The following PARN variants were observed in gnomAD, a reference collection of about 807,000 sequenced individuals.
The protein encoded by PARN is poly(A)-specific ribonuclease PARN.
Under a neutral mutation model 102.8 loss-of-function variants are expected in PARN, and 71 were observed. The ratio of observed to expected loss-of-function variants is 0.69; its 90% CI spans 0.57 to 0.84. The LOEUF (loss-of-function observed/expected upper bound fraction) is 0.84. Ranked by LOEUF, PARN falls within the 40% of genes least tolerant of loss-of-function variation. The pLI is 0.00. For synonymous variants in PARN, 261 were observed against 252.9 expected, an observed-to-expected ratio of 1.03 and a Z score of -0.30; for missense variants, 782 against 760.9, an observed-to-expected ratio of 1.03 and a Z score of -0.33.
At chr16:14,531,897 T>TG in intron 21 of PARN, among the ~76,000 whole-genome samples, 1 of 102,586 alleles carries the variant, frequency 9.7e-6, no homozygotes, top group African/African-American at 3.0e-5. Context: ...ATCCCATTTC[T>TG]TTAAAAAAAA....
rs1376144886 is a variant in PARN, at chr16:14,630,108, G to C, written c.18C>G (p.Ser6Arg). ...GGGAGGTGTACGGCGGACACGCACT[G>C]CTCCTGATTATCTCCATTCTGCAGA... Reference protein sequence around the residue: MEIIRSNFKSNLHKVY... With the variant: MEIIRRNFKSNLHKVY... Residue 6 changes from serine (S) to arginine (R), a missense_variant and splice_region_variant, in exon 1 of 24, where the codon AGC becomes AGG. By Grantham distance (110) the Ser-to-Arg change is moderately radical (BLOSUM62 -1). Coordinates refer to ENST00000437198, the MANE Select transcript of PARN (RefSeq NM_002582.4). The C allele has an allele frequency of 5.8e-6, 9 of 1,561,364 alleles. No individual in the cohort carries two copies. Among genetic ancestry groups the C allele is most frequent in the Non-Finnish European group, 7.8e-6 (9 of 1,151,818 alleles).
At chr16:14,441,738 C>T (rs1960950925) in intron 23 of PARN, among the ~76,000 whole-genome samples, 1 of 152,218 alleles carries the variant, frequency 6.6e-6, no homozygotes, top group Non-Finnish European at 1.5e-5. Flanking sequence ...CACACTTGAA[C>T]ATAGTAATTA....
chr16:14,520,053 T>A (rs1965658060), intron 21 of PARN, among the ~76,000 whole-genome samples: 1 of 152,138 alleles, frequency 6.6e-6, no homozygotes, highest in Non-Finnish European at 1.5e-5. Flanking sequence ...CTTATTCTGA[T>A]CAAGCTTCTA....
chr16:14,513,252 A>T (rs528829486), intron 21 of PARN, among the ~76,000 whole-genome samples: 6 of 152,306 alleles, frequency 3.9e-5, no homozygotes, highest in South Asian at 2.1e-4. Context: ...TTCAGCAAAT[A>T]AAGTATAATT....
chr16:14,621,102 TACA>T (rs1567462568), intron 5 of PARN, among the ~76,000 whole-genome samples: 6 of 152,128 alleles, frequency 3.9e-5, no homozygotes, highest in Non-Finnish European at 1.5e-5. Flanking sequence ...TTTTATACTT[TACA>T]ACAAGCAATC....
intron 18 of PARN, among the ~76,000 whole-genome samples, chr16:14,568,706 C>T (rs1280393461): frequency 6.6e-6 from 1 of 151,462 alleles, no homozygotes; most frequent in East Asian, 2.0e-4. Flanking sequence ...CTATCCTGTC[C>T]AACATGGTGA....
intron 20 of PARN, 129 bp downstream of exon 20, chr16:14,553,934 CAA>C (rs928184325): frequency 1.7e-4 from 108 of 644,910 alleles, no homozygotes; most frequent in Non-Finnish European, 2.8e-4. Context: ...CCAGAAAATT[CAA>C]AGAGTGAAAT....
intron 18 of PARN, among the ~76,000 whole-genome samples, chr16:14,559,579 T>C (rs1329552484): frequency 6.6e-6 from 1 of 151,384 alleles, no homozygotes; most frequent in Non-Finnish European, 1.5e-5. Context: ...GACACTCTAT[T>C]TAAAAATGTG....
chr16:14,585,582 A>G (rs1210701538), intron 14 of PARN, among the ~76,000 whole-genome samples: 2 of 152,142 alleles, frequency 1.3e-5, no homozygotes, highest in Non-Finnish European at 2.9e-5. Flanking sequence ...AATAATAACT[A>G]TGGAAAACAC....
In PARN at chr16:14,482,828, C is replaced by A; in HGVS notation, c.1481-1G>T. On this transcript the variant is annotated splice_acceptor_variant, in intron 21 of 23. Transcript: ENST00000437198. LOFTEE classifies it high-confidence loss of function. ...TCTGCATATTTGCTGGTATTGACAG[C>A]TACAAGGAAAAGAAAAAAAAATAAA... 6.3e-7 allele frequency: 1 copy of A among 1,590,558 alleles called. No homozygotes were observed. Among genetic ancestry groups the A allele is most frequent in the Non-Finnish European group, 8.5e-7 (1 of 1,172,100 alleles).
At chr16:14,582,312 G>T in intron 16 of PARN, 21 bp from the exon 17 acceptor site, 1 of 1,542,626 alleles carries the variant, frequency 6.5e-7, no homozygotes, top group Non-Finnish European at 9.0e-7. Context: ...AAAGGAAAAA[G>T]TTTTCCTCAA....
At chr16:14,436,870 G>T in intron 23 of PARN, 98 bp from the exon 24 acceptor site, 1 of 851,116 alleles carries the variant, frequency 1.2e-6, no homozygotes, top group Non-Finnish European at 1.9e-6. Flanking sequence ...GCCTGTGACG[G>T]CTGCAGACGG....
intron 13 of PARN, among the ~76,000 whole-genome samples, chr16:14,589,858 C>T (rs1970068090): frequency 6.6e-6 from 1 of 151,206 alleles, no homozygotes; most frequent in Non-Finnish European, 1.5e-5. Flanking sequence ...CAGAGTAAGA[C>T]TCCATCTCAA....
At chr16:14,474,828 C>G (rs2151588344) in intron 22 of PARN, among the ~76,000 whole-genome samples, 1 of 152,338 alleles carries the variant, frequency 6.6e-6, no homozygotes, top group Non-Finnish European at 1.5e-5. Flanking sequence ...GCTCCACAAG[C>G]CCATTTATGA....
At chr16:14,464,626 G>A (rs565305692) in intron 22 of PARN, among the ~76,000 whole-genome samples, 15 of 152,042 alleles carry the variant, frequency 9.9e-5, no homozygotes, top group East Asian at 7.7e-4. Flanking sequence ...GCGTGGTGGC[G>A]CACACCTGTA....
intron 22 of PARN, among the ~76,000 whole-genome samples, chr16:14,453,343 GT>G (rs1271687275): frequency 6.6e-6 from 1 of 152,158 alleles, no homozygotes; most frequent in Non-Finnish European, 1.5e-5. Context: ...AGAAAGAAAT[GT>G]TTGCTTATAG....
intron 10 of PARN, among the ~76,000 whole-genome samples, chr16:14,606,262 A>G (rs1472323859): frequency 6.6e-6 from 1 of 152,008 alleles, no homozygotes; most frequent in Non-Finnish European, 1.5e-5. Flanking sequence ...TTAGCCAAGC[A>G]TGGTGGCACG....
intron 22 of PARN, among the ~76,000 whole-genome samples, chr16:14,455,973 C>A (rs1242354041): frequency 6.6e-6 from 1 of 152,100 alleles, no homozygotes; most frequent in African/African-American, 2.4e-5. Flanking sequence ...TTTCTTGACT[C>A]ATTTTTCTCA....
At chr16:14,448,935 T>C (rs764416510) in intron 22 of PARN, among the ~76,000 whole-genome samples, 3 of 152,200 alleles carry the variant, frequency 2.0e-5, no homozygotes, top group Non-Finnish European at 4.4e-5. Flanking sequence ...CTGTTAAAAA[T>C]GTATGCTGAA....
Sources: gnomAD v4.1 joint callset for allele counts (sites outside exome capture counted in the v4.1 genomes callset) on GRCh38, gnomAD v4.1.1 for gene constraint, MANE v1.5 for transcripts, NCBI Gene and HGNC (gene_info 2026-07-23, HGNC 2026-07-21) for gene names.